Variants in GFPT1 observed in about 807,000 individuals in gnomAD.
The protein encoded by GFPT1 is glutamine--fructose-6-phosphate aminotransferase [isomerizing] 1.
A neutral mutation model predicts 92.0 loss-of-function variants in GFPT1; 40 were observed. That is an observed-to-expected ratio of 0.43 (90% CI 0.34 to 0.57). The LOEUF (loss-of-function observed/expected upper bound fraction) is 0.57, where lower values mean the gene tolerates loss of function less well. Ranked by LOEUF, GFPT1 falls within the 20% of genes least tolerant of loss-of-function variation. The pLI is 0.02. For synonymous variants in GFPT1, 269 were observed against 280.6 expected (o/e 0.96, Z 0.41); for missense variants, 448 against 869.1 (o/e 0.52, Z 6.09).
chr2:69,322,871 T>G lies in GFPT1; in HGVS notation c.*3318A>C, dbSNP rs1162002321. 1 of 152,156 alleles carries G rather than the reference T, an allele frequency of 6.6e-6. No homozygotes were observed. Among genetic ancestry groups the G allele is most frequent in the African/African-American group, 2.4e-5 (1 of 41,454 alleles). The allele number at this position is 152,156 out of a possible 1,614,324, so 9.4% of individuals were successfully genotyped here. ...CCATTATTCAAGTAGACAAAATCAC[T>G]CACTGACAGCACTTTAACAACCCGC... On this transcript the variant is annotated 3_prime_UTR_variant, in exon 20 of 20. Transcript: ENST00000357308.
Position 69,321,013 on chromosome 2 carries a change from A to T in GFPT1, c.*5176T>A, listed in dbSNP as rs1670391334. 6.6e-6 allele frequency: 1 copy of T among 152,226 alleles called. No individual in the cohort carries two copies. The highest frequency in any genetic ancestry group is 6.5e-5 in the Admixed American group (1 of 15,288). 9.4% of individuals were successfully genotyped at this position (152,226 alleles called of 1,614,324 possible). ...GCAGCAGGTGCTATAACCACTAGGG[A>T]TAGACTCTAGCTTGCTGTTCATAAA... On this transcript the variant is annotated 3_prime_UTR_variant, in exon 20 of 20. Coordinates refer to ENST00000357308, the MANE Select transcript of GFPT1 (RefSeq NM_001244710.2).
At chr2:69,349,329 T>C (rs752035409) in intron 10 of GFPT1, among the ~76,000 whole-genome samples, 7 of 152,358 alleles carry the variant, frequency 4.6e-5, no homozygotes, top group Non-Finnish European at 8.8e-5. Flanking sequence ...CCAGTGTATT[T>C]AAGCCATAAC....
intron 1 of GFPT1, among the ~76,000 whole-genome samples, chr2:69,377,674 A>T (rs1490652369): frequency 6.6e-6 from 1 of 152,126 alleles, no homozygotes; most frequent in Non-Finnish European, 1.5e-5. Flanking sequence ...AAACAAACAA[A>T]GAAACAAACA....
At chr2:69,361,114 C>T (rs1301373446) in intron 4 of GFPT1, among the ~76,000 whole-genome samples, 3 of 151,974 alleles carry the variant, frequency 2.0e-5, no homozygotes, top group Non-Finnish European at 4.4e-5. Context: ...AACATTTTCA[C>T]TAGATTTTTT....
intron 3 of GFPT1, among the ~76,000 whole-genome samples, chr2:69,366,941 G>T (rs1671626202): frequency 6.6e-6 from 1 of 151,990 alleles, no homozygotes; most frequent in African/African-American, 2.4e-5. Flanking sequence ...ATTTAAATTT[G>T]CTGGGAATAA....
intron 1 of GFPT1, among the ~76,000 whole-genome samples, chr2:69,376,576 G>C (rs1671876991): frequency 6.6e-6 from 1 of 151,874 alleles, no homozygotes; most frequent in Admixed American, 6.6e-5. Flanking sequence ...CCACCACTGT[G>C]ACTGCATCAG....
intron 13 of GFPT1, 123 bp downstream of exon 13, chr2:69,342,029 C>T: frequency 1.7e-6 from 1 of 602,320 alleles, no homozygotes. Flanking sequence ...CTTTTTTTAT[C>T]ACAAAAGGGA....
At chr2:69,365,808 C>T (rs10191300) in intron 3 of GFPT1, among the ~76,000 whole-genome samples, 98,884 of 151,922 alleles carry the variant, frequency 0.65, 33,361 homozygotes, top group African/African-American at 0.84. Context: ...TCTTTGACTA[C>T]TTTTTTTATT....
At chr2:69,352,381 G>A (rs943068422) in intron 9 of GFPT1, among the ~76,000 whole-genome samples, 100 of 152,132 alleles carry the variant, frequency 6.6e-4, no homozygotes, top group African/African-American at 2.2e-3. Context: ...TTGGGAGGCC[G>A]AGGTGGGCGG....
In GFPT1 at chr2:69,339,310, A is replaced by G. The variant is rs1381001514; in HGVS notation, c.1204-745T>C. Among the ~76,000 whole-genome samples the G allele has an allele frequency of 2.0e-5, 3 of 152,342 alleles. No individual in the cohort carries two copies. In the East Asian group the frequency reaches 5.8e-4, roughly 29 times the overall value. On this transcript the variant is annotated intron_variant, in intron 13 of 19. Transcript: ENST00000357308. ...CTTTAAAAGTACAACGTATTCATAAATATGACCATTTCCCAAAAGAAGTCA... is the reference window on the plus strand; with the variant it reads ...CTTTAAAAGTACAACGTATTCATAAGTATGACCATTTCCCAAAAGAAGTCA...
At chr2:69,340,767 G>C (rs1344395485) in intron 13 of GFPT1, among the ~76,000 whole-genome samples, 1 of 152,146 alleles carries the variant, frequency 6.6e-6, no homozygotes. Context: ...TACTACAGTA[G>C]TCTTGGCATC....
Position 69,354,259 on chromosome 2 carries a change from C to T in GFPT1, c.739G>A (p.Gly247Ser). The T allele has an allele frequency of 6.3e-7, 1 of 1,584,312 alleles. No homozygotes were observed. The highest frequency in any genetic ancestry group is 8.5e-7 in the Non-Finnish European group (1 of 1,170,152). ...CATCCATGCAGAGTGCATTTCCCAC[C>T]TCTTTCTCCCTGTGATCCCCACCGT... ...FTRWGSQGER[G>S]KDKKGSCNLS... The change falls in exon 9 of 20, where the codon GGC (glycine) becomes AGC (serine). Residue 247 changes from glycine (G) to serine (S), a missense_variant and splice_region_variant. Around this residue, in one of 7 missense-constraint regions of GFPT1, gnomAD observed 118 missense variants for 192.9 expected, o/e 0.61. Transcript: ENST00000357308.
At chr2:69,346,542 G>A (rs989725108) in intron 11 of GFPT1, among the ~76,000 whole-genome samples, 33 of 151,974 alleles carry the variant, frequency 2.2e-4, no homozygotes, top group African/African-American at 7.5e-4. Context: ...TCAGTCAACT[G>A]GGACAAGCTT....
chr2:69,345,536 A>G (rs1671062482), intron 12 of GFPT1, among the ~76,000 whole-genome samples: 1 of 152,230 alleles, frequency 6.6e-6, no homozygotes, highest in Non-Finnish European at 1.5e-5. Context: ...CTATGTTTAA[A>G]TGTACAATTC....
At chr2:69,375,581 A>G (rs1277578199) in intron 1 of GFPT1, among the ~76,000 whole-genome samples, 3 of 152,132 alleles carry the variant, frequency 2.0e-5, no homozygotes, top group African/African-American at 2.4e-5. Flanking sequence ...ACTCTCCCCA[A>G]AGAAGCAGTT....
chr2:69,331,863 T>C (rs970465877), intron 15 of GFPT1, among the ~76,000 whole-genome samples: 1 of 152,166 alleles, frequency 6.6e-6, no homozygotes, highest in African/African-American at 2.4e-5. Flanking sequence ...TACAATACTA[T>C]TCTCTAAAAT....
chr2:69,385,611 G>C lies in GFPT1; in HGVS notation c.7+1454C>G, dbSNP rs566166589. ...AACATGATGAAATGACCTGCAACCA[G>C]AATGTTGAGTACTTGATGAGGCACA... On this transcript the variant is annotated intron_variant, in intron 1 of 19. Coordinates refer to ENST00000357308, the MANE Select transcript of GFPT1 (RefSeq NM_001244710.2). 6.6e-5 allele frequency among the ~76,000 whole-genome samples: 10 copies of C among 151,776 alleles called. No homozygotes were observed. In the South Asian group the frequency reaches 2.1e-3, roughly 32 times the overall value.
chr2:69,338,802 C>CTT (rs58220809), intron 13 of GFPT1, among the ~76,000 whole-genome samples: 1,715 of 131,756 alleles, frequency 0.013, 93 homozygotes, highest in African/African-American at 0.036. Flanking sequence ...GTATACATTC[C>CTT]TTTTTTTTTT....
Position 69,328,364 on chromosome 2 carries a change from C to T in GFPT1, c.1800G>A (p.Leu600=). 2 of 1,613,170 alleles carry T rather than the reference C, an allele frequency of 1.2e-6. No homozygotes were observed. The highest frequency in any genetic ancestry group is 1.7e-6 in the Non-Finnish European group (2 of 1,179,142). The part of the protein sequence containing the change: ...AGELKHGPLA[L]VDKLMPVIMI... ...TGATCACAGGCATCAATTTATCCACCAAAGCCAGAGGGCCATGTTTCAATT... is the reference window on the plus strand; with the variant it reads ...TGATCACAGGCATCAATTTATCCACTAAAGCCAGAGGGCCATGTTTCAATT... Residue 600 remains leucine (L), a synonymous_variant, in exon 18 of 20, where the codon TTG becomes TTA. Transcript: ENST00000357308.
Sources: gnomAD v4.1 joint callset for allele counts (sites outside exome capture counted in the v4.1 genomes callset) on GRCh38, gnomAD v4.1.1 for gene constraint, gnomAD v4.1.1 regional missense constraint, MANE v1.5 for transcripts, NCBI Gene and HGNC (gene_info 2026-07-23, HGNC 2026-07-21) for gene names.